Variants in RABGAP1L observed in about 807,000 individuals in gnomAD.
RABGAP1L encodes rab GTPase-activating protein 1-like.
RABGAP1L carries 63 observed loss-of-function variants against 137.7 expected under a neutral mutation model. The observed-to-expected ratio is 0.46, with a 90% CI of 0.37 to 0.56. The LOEUF is 0.56. Among genes scored for constraint, RABGAP1L ranks in the 20% least tolerant of loss-of-function variants. RABGAP1L has a pLI of 0.00. For missense variants in RABGAP1L, 1,095 were observed against 1,244.0 expected (o/e 0.88, Z 1.80); for synonymous variants, 431 against 433.7 (o/e 0.99, Z 0.08).
At chr1:174,862,500 A>G (rs1235442157) in intron 19 of RABGAP1L, among the ~76,000 whole-genome samples, 1 of 152,142 alleles carries the variant, frequency 6.6e-6, no homozygotes, top group Non-Finnish European at 1.5e-5. Context: ...AAGTGGGTGT[A>G]ATGATCACTG....
At chr1:174,781,189 C>G (rs1474532584) in intron 18 of RABGAP1L, among the ~76,000 whole-genome samples, 6 of 152,156 alleles carry the variant, frequency 3.9e-5, no homozygotes, top group Non-Finnish European at 7.4e-5. Flanking sequence ...CCCACCAACA[C>G]TGTAAAAATG....
chr1:174,195,833 CTTCTTCT>C (rs1558022317), intron 1 of RABGAP1L, among the ~76,000 whole-genome samples: 5 of 97,950 alleles, frequency 5.1e-5, no homozygotes, highest in Admixed American at 1.1e-4. Context: ...TTCTATCCTT[CTTCTTCT>C]TTTTTTTTTT....
intron 11 of RABGAP1L, among the ~76,000 whole-genome samples, chr1:174,364,604 A>G (rs1162010279): frequency 2.0e-5 from 3 of 152,136 alleles, no homozygotes; most frequent in African/African-American, 4.8e-5. Context: ...CTAGGAATTT[A>G]TTAATTTCTT....
chr1:174,170,597 C>T (rs1323930503), intron 1 of RABGAP1L, among the ~76,000 whole-genome samples: 1 of 150,674 alleles, frequency 6.6e-6, no homozygotes, highest in Non-Finnish European at 1.5e-5. Context: ...ATCGCTTGAA[C>T]CAGGGAGGCT....
At chr1:174,367,636 C>A in intron 11 of RABGAP1L, 1 of 264,766 alleles carries the variant, frequency 3.8e-6, no homozygotes, top group South Asian at 5.3e-5. Context: ...GAAGGCTTGC[C>A]TTTCTTTTTA....
chr1:174,352,456 TATG>T (rs1362058732), intron 11 of RABGAP1L, among the ~76,000 whole-genome samples: 1 of 152,146 alleles, frequency 6.6e-6, no homozygotes, highest in African/African-American at 2.4e-5. Context: ...ATTTATATGA[TATG>T]ATTCTGAATT....
At chr1:174,885,915 C>T (rs771049241) in intron 19 of RABGAP1L, among the ~76,000 whole-genome samples, 101 of 151,584 alleles carry the variant, frequency 6.7e-4, no homozygotes, top group Middle Eastern at 3.4e-3. Context: ...TGCAGTGAGC[C>T]GAGATCGCAC....
intron 19 of RABGAP1L, among the ~76,000 whole-genome samples, chr1:174,917,084 C>A (rs1661002947): frequency 6.6e-6 from 1 of 152,114 alleles, no homozygotes; most frequent in South Asian, 2.1e-4. Flanking sequence ...GGTTTCTCTT[C>A]CTCTTCTTGT....
At chr1:174,667,548 T>C (rs1402857670) in intron 14 of RABGAP1L, among the ~76,000 whole-genome samples, 1 of 152,196 alleles carries the variant, frequency 6.6e-6, no homozygotes. Context: ...TGGCACATAA[T>C]AAATATGTCA....
rs1648493916 is a variant in RABGAP1L, at chr1:174,852,268, A to G, written c.2340+40308A>G. ...TTGCTTCTGTGATTCCCATCACTTC[A>G]CATTCTGAGTAGAAAAGCACACAAC... On this transcript the variant is annotated intron_variant, in intron 19 of 25. Coordinates refer to ENST00000681986, the MANE Select transcript of RABGAP1L (RefSeq NM_001366446.1). 2.0e-5 allele frequency among the ~76,000 whole-genome samples: 3 copies of G among 152,186 alleles called. No individual in the cohort carries two copies. The South Asian group carries it at 6.2e-4, about 31-fold the overall frequency.
intron 11 of RABGAP1L, among the ~76,000 whole-genome samples, chr1:174,334,596 A>G (rs1410514244): frequency 6.6e-6 from 1 of 152,190 alleles, no homozygotes; most frequent in Non-Finnish European, 1.5e-5. Flanking sequence ...TGTTCTTCCA[A>G]CAAACAAACC....
At chr1:174,552,378 G>A (rs1025708100) in intron 13 of RABGAP1L, among the ~76,000 whole-genome samples, 1 of 151,996 alleles carries the variant, frequency 6.6e-6, no homozygotes. Flanking sequence ...ATGTGTCCTT[G>A]TGCTCTCATC....
chr1:174,297,406 G>A (rs1196115768), intron 10 of RABGAP1L, among the ~76,000 whole-genome samples: 1 of 152,120 alleles, frequency 6.6e-6, no homozygotes, highest in Non-Finnish European at 1.5e-5. Flanking sequence ...CCTCCCGCCG[G>A]CTCTTCAAAT....
chr1:174,488,440 C>T (rs548048623), intron 13 of RABGAP1L, among the ~76,000 whole-genome samples: 1 of 152,044 alleles, frequency 6.6e-6, no homozygotes, highest in East Asian at 1.9e-4. Flanking sequence ...TCTTCTCTTG[C>T]TGCTTTTAGG....
At chr1:174,824,108 G>A (rs1261515919) in intron 19 of RABGAP1L, among the ~76,000 whole-genome samples, 2 of 152,026 alleles carry the variant, frequency 1.3e-5, no homozygotes, top group Non-Finnish European at 2.9e-5. Flanking sequence ...TGGCCAACAG[G>A]GTGAAACCCC....
chr1:174,525,630 A>G (rs377250756), intron 13 of RABGAP1L, among the ~76,000 whole-genome samples: 5 of 151,942 alleles, frequency 3.3e-5, no homozygotes, highest in African/African-American at 1.2e-4. Context: ...TATGTCTTTT[A>G]TTTATCTCTT....
At chr1:174,252,825 G>A (rs1007425109) in intron 7 of RABGAP1L, among the ~76,000 whole-genome samples, 2 of 152,108 alleles carry the variant, frequency 1.3e-5, no homozygotes, top group African/African-American at 2.4e-5. Context: ...GCTACAACTG[G>A]GTTTGTTCAC....
intron 14 of RABGAP1L, among the ~76,000 whole-genome samples, chr1:174,639,189 T>C (rs1365245547): frequency 6.6e-6 from 1 of 152,182 alleles, no homozygotes; most frequent in South Asian, 2.1e-4. Flanking sequence ...TTTCTCTCTC[T>C]CATATTTTTT....
intron 13 of RABGAP1L, among the ~76,000 whole-genome samples, chr1:174,483,358 A>G (rs992427631): frequency 6.6e-6 from 1 of 151,776 alleles, no homozygotes; most frequent in Non-Finnish European, 1.5e-5. Context: ...TTTAATTTTT[A>G]GCTCCCACAG....
Sources: allele counts gnomAD v4.1 joint callset (sites outside exome capture counted in the v4.1 genomes callset), GRCh38; gene constraint gnomAD v4.1.1; transcripts MANE v1.5; gene names NCBI Gene and HGNC (gene_info 2026-07-23, HGNC 2026-07-21).